The following CEP85L variants were observed in gnomAD, a reference collection of about 807,000 sequenced individuals.
CEP85L encodes the protein centrosomal protein of 85 kDa-like.
CEP85L carries 60 observed loss-of-function variants against 100.3 expected under a neutral mutation model. That is an observed-to-expected ratio of 0.60 (90% confidence interval 0.49 to 0.74). The LOEUF (loss-of-function observed/expected upper bound fraction) is 0.74, where lower values mean the gene tolerates loss of function less well. Ranked by LOEUF, CEP85L falls within the 30% of genes least tolerant of loss-of-function variation. CEP85L has a pLI of 0.00. For missense variants in CEP85L, 973 were observed against 936.2 expected (o/e 1.04, Z -0.51); for synonymous variants, 319 against 322.7 (o/e 0.99, Z 0.12).
At chr6:118,541,460 T>C (rs1777899861) in intron 3 of CEP85L, among the ~76,000 whole-genome samples, 1 of 152,248 alleles carries the variant, frequency 6.6e-6, no homozygotes. Flanking sequence ...CATTTTTACA[T>C]CTTTTGCTTT....
intron 5 of CEP85L, among the ~76,000 whole-genome samples, chr6:118,497,710 C>T (rs1582913975): frequency 6.6e-6 from 1 of 152,200 alleles, no homozygotes; most frequent in East Asian, 1.9e-4. Context: ...ATTTTTGTGG[C>T]CAGTATATCT....
chr6:118,494,806 C>T (rs991194434), intron 5 of CEP85L, among the ~76,000 whole-genome samples: 6 of 152,146 alleles, frequency 3.9e-5, no homozygotes, highest in Non-Finnish European at 5.9e-5. Flanking sequence ...AGGCAAAAAA[C>T]GCAGTTTGAA....
intron 3 of CEP85L, chr6:118,558,944 C>A: frequency 6.2e-7 from 1 of 1,613,854 alleles, no homozygotes; most frequent in South Asian, 1.1e-5. Flanking sequence ...CAATACCTCA[C>A]TCGCTCAGCT....
chr6:118,522,900 A>G (rs947701183), intron 4 of CEP85L, among the ~76,000 whole-genome samples: 1 of 152,050 alleles, frequency 6.6e-6, no homozygotes, highest in African/African-American at 2.4e-5. Flanking sequence ...TTGGGGGAAT[A>G]TAGTGGAGAA....
At chr6:118,549,471 A>G (rs1778409290) in intron 3 of CEP85L, among the ~76,000 whole-genome samples, 1 of 151,754 alleles carries the variant, frequency 6.6e-6, no homozygotes, top group African/African-American at 2.4e-5. Flanking sequence ...TGATTTTCAT[A>G]TTTCATATAT....
At chr6:118,498,890 A>G (rs937450267) in intron 5 of CEP85L, among the ~76,000 whole-genome samples, 1 of 152,212 alleles carries the variant, frequency 6.6e-6, no homozygotes, top group Non-Finnish European at 1.5e-5. Flanking sequence ...TAAAAAGATA[A>G]AAAATCATCC....
intron 1 of CEP85L, among the ~76,000 whole-genome samples, chr6:118,700,943 T>C (rs1777384037): frequency 6.6e-6 from 1 of 152,202 alleles, no homozygotes; most frequent in African/African-American, 2.4e-5. Flanking sequence ...AGTTCTCTTG[T>C]TCTGCTCTCT....
In CEP85L at chr6:118,463,125, C is replaced by T. The variant is rs936113637; in HGVS notation, c.*2280G>A. On this transcript the variant is annotated 3_prime_UTR_variant, in exon 13 of 13. Coordinates refer to ENST00000368491, the MANE Select transcript of CEP85L (RefSeq NM_001042475.3). Reference sequence around the variant, plus strand: ...ACTTTGGAATTTTATTTTTAAGATACGTGAATTAAATTACTTTCTCTAAGT... The same window carrying T: ...ACTTTGGAATTTTATTTTTAAGATATGTGAATTAAATTACTTTCTCTAAGT... 4 of 151,590 alleles carry T rather than the reference C, an allele frequency of 2.6e-5. No individual in the cohort carries two copies. The highest frequency in any genetic ancestry group is 2.1e-4 in the South Asian group (1 of 4,814). 9.4% of individuals were successfully genotyped at this position (151,590 alleles called of 1,614,324 possible).
At chr6:118,569,582 ATAGT>A (rs1385281855) in intron 2 of CEP85L, among the ~76,000 whole-genome samples, 6 of 151,896 alleles carry the variant, frequency 4.0e-5, no homozygotes, top group South Asian at 2.1e-4. Flanking sequence ...ATGTTATTTA[ATAGT>A]TAGTTACCTC....
chr6:118,584,724 C>T (rs1461466299), intron 2 of CEP85L, among the ~76,000 whole-genome samples: 1 of 152,216 alleles, frequency 6.6e-6, no homozygotes, highest in Non-Finnish European at 1.5e-5. Flanking sequence ...CCGCCATTGC[C>T]TCAGTGGCTC....
At chr6:118,631,793 A>C (rs940797308) in intron 2 of CEP85L, among the ~76,000 whole-genome samples, 9 of 152,174 alleles carry the variant, frequency 5.9e-5, no homozygotes, top group African/African-American at 1.9e-4. Flanking sequence ...AAGAGTTAAG[A>C]GATAAAGGAG....
At chr6:118,623,013 G>T (rs1338420248) in intron 2 of CEP85L, among the ~76,000 whole-genome samples, 1 of 152,194 alleles carries the variant, frequency 6.6e-6, no homozygotes, top group East Asian at 1.9e-4. Context: ...TCCCCTCAGG[G>T]TGGTTAGCGA....
At chr6:118,702,827 A>C (rs969964532) in intron 1 of CEP85L, among the ~76,000 whole-genome samples, 6 of 151,980 alleles carry the variant, frequency 3.9e-5, no homozygotes, top group Non-Finnish European at 2.9e-5. Context: ...AAACCCCGTC[A>C]CTACTAAAAA....
intron 2 of CEP85L, among the ~76,000 whole-genome samples, chr6:118,597,656 A>G (rs1402785753): frequency 6.6e-6 from 1 of 152,224 alleles, no homozygotes; most frequent in Non-Finnish European, 1.5e-5. Context: ...AAAAGAAAAG[A>G]CAGTTTTCTA....
chr6:118,681,353 G>T (rs1776653017), intron 1 of CEP85L, among the ~76,000 whole-genome samples: 1 of 152,124 alleles, frequency 6.6e-6, no homozygotes, highest in South Asian at 2.1e-4. Context: ...GAGAGGAGTT[G>T]AGAAGTAGTT....
chr6:118,666,785 G>C (rs1326507959), intron 1 of CEP85L, among the ~76,000 whole-genome samples: 2 of 151,882 alleles, frequency 1.3e-5, no homozygotes, highest in Non-Finnish European at 2.9e-5. Context: ...AAGGAAACAG[G>C]GGCAGCTACT....
chr6:118,674,523 CAAA>C (rs34699146), intron 1 of CEP85L, among the ~76,000 whole-genome samples: 2 of 106,322 alleles, frequency 1.9e-5, no homozygotes. Context: ...GACTCCATCT[CAAA>C]AAAAAAAAAA....
chr6:118,680,588 C>T (rs1776625519), intron 1 of CEP85L, among the ~76,000 whole-genome samples: 1 of 151,962 alleles, frequency 6.6e-6, no homozygotes, highest in African/African-American at 2.4e-5. Context: ...CTAATAAAGA[C>T]ATTCTGGGCA....
chr6:118,505,573 A>G (rs1258267158), intron 5 of CEP85L, among the ~76,000 whole-genome samples: 3 of 152,186 alleles, frequency 2.0e-5, no homozygotes, highest in African/African-American at 7.2e-5. Context: ...CTATCAAGCC[A>G]TGAAAAGATA....
Sources: allele counts gnomAD v4.1 joint callset (sites outside exome capture counted in the v4.1 genomes callset), GRCh38; gene constraint gnomAD v4.1.1; transcripts MANE v1.5; gene names NCBI Gene and HGNC (gene_info 2026-07-23, HGNC 2026-07-21).